TRAPPC8: variants seen among roughly 807,000 people sequenced by gnomAD.
TRAPPC8 encodes the protein trafficking protein particle complex subunit 8.
In TRAPPC8, 54 loss-of-function variants were observed where a neutral mutation model predicts 174.3. That is an observed-to-expected ratio of 0.31 (90% CI 0.25 to 0.39). TRAPPC8 has a LOEUF of 0.39. Among genes scored for constraint, TRAPPC8 ranks in the 10% least tolerant of loss-of-function variants. The pLI is 1.00. For missense variants in TRAPPC8, 1,531 were observed against 1,699.1 expected (o/e 0.90, Z 1.74); for synonymous variants, 630 against 579.9 (o/e 1.09, Z -1.24).
intron 5 of TRAPPC8, 109 bp from the exon 6 acceptor site, chr18:31,909,869 A>C: frequency 1.5e-6 from 1 of 687,762 alleles, no homozygotes; most frequent in South Asian, 2.7e-5. Flanking sequence ...GGCCTCATTT[A>C]TTTGCTACAG....
intron 1 of TRAPPC8, among the ~76,000 whole-genome samples, chr18:31,938,350 T>A (rs2038193210): frequency 6.6e-6 from 1 of 151,384 alleles, no homozygotes. Context: ...ATATAATAAA[T>A]TTAATTATAT....
At chr18:31,890,538 T>C (rs1016570142) in intron 12 of TRAPPC8, among the ~76,000 whole-genome samples, 197 bp downstream of exon 12, 1 of 152,174 alleles carries the variant, frequency 6.6e-6, no homozygotes, top group Non-Finnish European at 1.5e-5. Context: ...CTCAGAGAAG[T>C]AGCTTGACCA....
intron 10 of TRAPPC8, 87 bp downstream of exon 10, chr18:31,900,838 T>C: frequency 9.9e-7 from 1 of 1,006,490 alleles, no homozygotes; most frequent in Non-Finnish European, 1.4e-6. Context: ...TTAACTTGAT[T>C]TGGGAGTTTA....
rs1466559652 is a variant in TRAPPC8 at position 31,857,816 on chromosome 18, C to T, written c.2912G>A (p.Ser971Asn). ...ACTACAATTCTCAGAAGCTGAGGGA[C>T]TTAGTGGTGTTAGAACAGCAGTATT... ...GGNTAVLTPL[S>N]PSASENCSAY... The change falls in exon 20 of 29, where the codon AGT becomes AAT. Residue 971 changes from serine to asparagine, a missense_variant. Transcript: ENST00000283351. 2 of 1,614,130 alleles carry T rather than the reference C, an allele frequency of 1.2e-6. No homozygotes were observed. The highest frequency in any genetic ancestry group is 1.3e-5 in the African/African-American group (1 of 75,032).
chr18:31,874,768 TACAAAC>T (rs1177209960), intron 12 of TRAPPC8, 64 bp from the exon 13 acceptor site: 1 of 1,363,768 alleles, frequency 7.3e-7, no homozygotes, highest in Non-Finnish European at 1.0e-6. Context: ...AAAAAACAAA[TACAAAC>T]ACACACATAG....
At chr18:31,913,279 A>C in intron 5 of TRAPPC8, 90 bp downstream of exon 5, 1 of 1,385,208 alleles carries the variant, frequency 7.2e-7, no homozygotes. Context: ...GATTCCACAC[A>C]ATTAATATGA....
intron 5 of TRAPPC8, among the ~76,000 whole-genome samples, chr18:31,911,319 C>G (rs1297455281): frequency 2.0e-5 from 3 of 152,016 alleles, no homozygotes; most frequent in Non-Finnish European, 4.4e-5. Flanking sequence ...GAGTTCAAGA[C>G]CAGCCTAGCC....
intron 1 of TRAPPC8, among the ~76,000 whole-genome samples, chr18:31,942,153 T>C (rs191797864): frequency 6.6e-6 from 1 of 152,336 alleles, no homozygotes; most frequent in East Asian, 1.9e-4. Context: ...GCTACAAGAA[T>C]GTAATAACAT....
At chr18:31,898,222 T>C (rs978747657) in intron 10 of TRAPPC8, among the ~76,000 whole-genome samples, 4 of 152,196 alleles carry the variant, frequency 2.6e-5, no homozygotes, top group African/African-American at 9.6e-5. Flanking sequence ...TTATTATTTA[T>C]TGTTGGTTTT....
chr18:31,936,863 C>T (rs976504752), intron 1 of TRAPPC8, among the ~76,000 whole-genome samples: 61 of 126,538 alleles, frequency 4.8e-4, no homozygotes, highest in Admixed American at 1.7e-3. Context: ...GATTGTGCGA[C>T]GGCACTGCAG....
intron 5 of TRAPPC8, among the ~76,000 whole-genome samples, chr18:31,911,113 A>G (rs1598725823): frequency 6.6e-6 from 1 of 152,248 alleles, no homozygotes; most frequent in Non-Finnish European, 1.5e-5. Context: ...AACAATACTT[A>G]TATCAGAAGA....
At chr18:31,839,857 T>C (rs183830429) in intron 26 of TRAPPC8, among the ~76,000 whole-genome samples, 25 of 152,342 alleles carry the variant, frequency 1.6e-4, no homozygotes, top group Non-Finnish European at 2.8e-4. Context: ...CTGCAGACAT[T>C]CGATTGCATA....
At chr18:31,887,878 G>T (rs868771468) in intron 12 of TRAPPC8, among the ~76,000 whole-genome samples, 1 of 151,986 alleles carries the variant, frequency 6.6e-6, no homozygotes, top group East Asian at 1.9e-4. Context: ...AGAAATAAAG[G>T]GTATTCAAAT....
intron 11 of TRAPPC8, among the ~76,000 whole-genome samples, chr18:31,891,584 A>G (rs528187455): frequency 4.6e-5 from 7 of 152,274 alleles, no homozygotes; most frequent in African/African-American, 1.7e-4. Context: ...TTTTGACTGA[A>G]AGAGTCATCA....
chr18:31,858,249 A>AG (rs2034137661), intron 19 of TRAPPC8, among the ~76,000 whole-genome samples: 1 of 91,134 alleles, frequency 1.1e-5, no homozygotes, highest in Admixed American at 8.8e-5. Flanking sequence ...CTAACATGTC[A>AG]AAATTTCACA....
In TRAPPC8 at chr18:31,871,109, CTTGT is replaced by C; in HGVS notation, c.2070_2073del (p.Ala692LeufsTer4). 6.5e-7 allele frequency: 1 copy of C among 1,541,310 alleles called. No homozygotes were observed. On this transcript the variant is annotated frameshift_variant, in exon 15 of 29. Transcript: ENST00000283351. LOFTEE classifies it high-confidence loss of function. ...TGATCAAGACTTACATGAGTAGCTG[CTTGT>C]TTTTCACCTAAAAAAAATTTGTTAA...
At chr18:31,902,866 A>G (rs966637990) in intron 9 of TRAPPC8, among the ~76,000 whole-genome samples, 4 of 151,996 alleles carry the variant, frequency 2.6e-5, no homozygotes, top group African/African-American at 2.4e-5. Context: ...TGGCTAACAC[A>G]GTGAAACCCC....
intron 12 of TRAPPC8, among the ~76,000 whole-genome samples, chr18:31,886,421 T>C (rs1460710216): frequency 6.6e-6 from 1 of 151,212 alleles, no homozygotes; most frequent in African/African-American, 2.4e-5. Flanking sequence ...AACTGATAGA[T>C]ATAGAAAAAG....
At chr18:31,878,367 A>C (rs1162637028) in intron 12 of TRAPPC8, among the ~76,000 whole-genome samples, 1 of 152,194 alleles carries the variant, frequency 6.6e-6, no homozygotes, top group Non-Finnish European at 1.5e-5. Flanking sequence ...AAACAAAAAC[A>C]AAAAAACTAC....
Sources: gnomAD v4.1 joint callset for allele counts (sites outside exome capture counted in the v4.1 genomes callset) on GRCh38, gnomAD v4.1.1 for gene constraint, MANE v1.5 for transcripts, NCBI Gene and HGNC (gene_info 2026-07-23, HGNC 2026-07-21) for gene names.